Variants in GNA15 observed in about 807,000 individuals in gnomAD.
GNA15 encodes guanine nucleotide-binding protein subunit alpha-15.
Under a neutral mutation model 40.1 loss-of-function variants are expected in GNA15, and 23 were observed. The ratio of observed to expected loss-of-function variants is 0.57; its 90% CI spans 0.41 to 0.81. The LOEUF (loss-of-function observed/expected upper bound fraction) is 0.81, where lower values mean the gene tolerates loss of function less well. Ranked by LOEUF, GNA15 falls within the 40% of genes least tolerant of loss-of-function variation. The pLI is 0.00. For synonymous variants in GNA15, 226 were observed against 210.4 expected, an observed-to-expected ratio of 1.07 and a Z score of -0.64; for missense variants, 522 against 515.8, an observed-to-expected ratio of 1.01 and a Z score of -0.12.
rs1555707385 is a variant in GNA15 at position 3,157,881 on chromosome 19, G to A, written c.898G>A (p.Gly300Ser). ...HLATYFPSFQ[G>S]PKQDAEAAKR... ...GGCTACCTATTTCCCCAGTTTCCAG[G>A]GTAAGTAATTCTAGAACTTTCTATA... The change falls in exon 6 of 7, where the codon GGC (glycine) becomes AGC (serine). Residue 300 changes from glycine (G) to serine (S), a missense_variant and splice_region_variant. Coordinates refer to ENST00000262958, the MANE Select transcript of GNA15 (RefSeq NM_002068.4). 1.2e-6 allele frequency: 2 copies of A among 1,611,084 alleles called. No individual in the cohort carries two copies. The highest frequency in any genetic ancestry group is 2.2e-5 in the South Asian group (2 of 91,036).
intron 5 of GNA15, among the ~76,000 whole-genome samples, chr19:3,157,028 G>A (rs573287588): frequency 6.6e-6 from 1 of 150,950 alleles, no homozygotes; most frequent in East Asian, 2.0e-4. Context: ...ATGGAGTCTC[G>A]CTTTTGTCGC....
rs745779749 is a variant in GNA15 at position 3,155,853 on chromosome 19, G to A, written c.645G>A (p.Glu215=). The A allele has an allele frequency of 6.2e-7, 1 of 1,613,954 alleles. No individual in the cohort carries two copies. Among genetic ancestry groups the A allele is most frequent in the Middle Eastern group, 1.6e-4 (1 of 6,062 alleles). ...RIVDVGGQKS[E]RKKWIHCFEN... is the part of the protein sequence containing the mutation. ...TGGACGTCGGGGGCCAGAAGTCAGA[G>A]CGTAAGAAATGGATCCATTGTTTCG... is the stretch of plus-strand genomic sequence containing the variant. Residue 215 remains glutamate, a synonymous_variant, in exon 5 of 7, where the codon GAG becomes GAA. Transcript: ENST00000262958. This position sits in a 1 kb window ranked among gnomAD's most constrained non-coding sequence, Gnocchi z 5.6.
chr19:3,162,686 G>GC, intron 6 of GNA15, 107 bp from the exon 7 acceptor site: 2 of 682,318 alleles, frequency 2.9e-6, no homozygotes, highest in Non-Finnish European at 5.2e-6. Flanking sequence ...AATGACAGGC[G>GC]CGATCCCTGG....
At chr19:3,148,296 C>T (rs560842759) in intron 1 of GNA15, among the ~76,000 whole-genome samples, 17 of 152,220 alleles carry the variant, frequency 1.1e-4, no homozygotes, top group African/African-American at 4.1e-4. Flanking sequence ...CCATGTTTAC[C>T]AGGTTGGTCT....
rs1389279297 is a variant in GNA15, at chr19:3,155,957, G to A, written c.744+5G>A. 1.2e-6 allele frequency: 2 copies of A among 1,612,996 alleles called. No homozygotes were observed. Among genetic ancestry groups the A allele is most frequent in the Admixed American group, 1.7e-5 (1 of 59,948 alleles). ...CTGGAGGAGAACAACCAGGAGGTGC[G>A]CCACCGCCTCCCTCGCCCTGCCCAC... On this transcript the variant is annotated splice_donor_5th_base_variant and intron_variant, in intron 5 of 6. Coordinates refer to ENST00000262958, the MANE Select transcript of GNA15 (RefSeq NM_002068.4). The surrounding 1 kb of genome is among the most constrained non-coding windows in gnomAD (Gnocchi z 5.6).
At chr19:3,144,282 T>C (rs1030805701) in intron 1 of GNA15, among the ~76,000 whole-genome samples, 14 of 152,018 alleles carry the variant, frequency 9.2e-5, no homozygotes, top group African/African-American at 3.4e-4. Context: ...CTCCAAAAAC[T>C]TGATGGTCCC....
rs1363514077 is a variant in GNA15, at chr19:3,150,118, C to T, written c.331-13C>T. 1.9e-6 allele frequency: 3 copies of T among 1,609,792 alleles called. No individual in the cohort carries two copies. Among genetic ancestry groups the T allele is most frequent in the Non-Finnish European group, 1.7e-6 (2 of 1,178,436 alleles). ...GAAAGGCTACCCTAACTGCCCCCGT[C>T]CTCCCTCCCCAGCACCACGCTAGCC... On this transcript the variant is annotated splice_polypyrimidine_tract_variant and intron_variant, in intron 2 of 6. Coordinates refer to ENST00000262958, the MANE Select transcript of GNA15 (RefSeq NM_002068.4).
rs369811746 is a variant in GNA15, at chr19:3,150,233, C to G, written c.433C>G (p.Arg145Gly). The G allele has an allele frequency of 3.7e-6, 6 of 1,610,234 alleles. No individual in the cohort carries two copies. The African/African-American group carries it at 8.0e-5, about 22-fold the overall frequency. ...MQWLWRDAGIRACYERRREFH... is the reference protein window; with the variant it reads ...MQWLWRDAGIGACYERRREFH... The stretch of plus-strand genomic sequence containing the variant: ...GTGGCTGTGGAGGGATGCCGGCATC[C>G]GGGCCTGCTATGAGCGTCGGCGGGA... The change falls in exon 3 of 7, where the codon CGG (arginine) becomes GGG (glycine). Residue 145 changes from arginine (R) to glycine (G), a missense_variant. By Grantham distance (125) the Arg-to-Gly change is moderately radical. Transcript: ENST00000262958.
Position 3,163,219 on chromosome 19 carries a change from C to T in GNA15, c.*200C>T. ...GCCCCCCAGGGTACTCCTGCCCTTG[C>T]TTGACTCAGTTTCCCTCCTTTGAAA... On this transcript the variant is annotated 3_prime_UTR_variant, in exon 7 of 7. Transcript: ENST00000262958. 1 of 586,502 alleles carries T rather than the reference C, an allele frequency of 1.7e-6. No homozygotes were observed. 36.3% of individuals were successfully genotyped at this position (586,502 alleles called of 1,614,324 possible).
intron 1 of GNA15, among the ~76,000 whole-genome samples, chr19:3,145,889 C>T (rs12461827): frequency 0.078 from 11,902 of 151,654 alleles, 973 homozygotes; most frequent in East Asian, 0.2. Flanking sequence ...ATAGACATGA[C>T]CCCTGGAGAA....
chr19:3,145,359 A>ATTT lies in GNA15; in HGVS notation c.146-3221_146-3219dup, dbSNP rs71179976. 1.5e-3 allele frequency among the ~76,000 whole-genome samples: 72 copies of ATTT among 46,952 alleles called. 4 individuals are homozygous for ATTT. The highest frequency in any genetic ancestry group is 2.7e-3 in the Admixed American group (10 of 3,748). 30.8% of individuals were successfully genotyped at this position (46,952 alleles called of 152,430 possible). On this transcript the variant is annotated intron_variant, in intron 1 of 6. Coordinates refer to ENST00000262958, the MANE Select transcript of GNA15 (RefSeq NM_002068.4). The stretch of plus-strand genomic sequence containing the variant: ...TAAATATATATATATATATATATAT[A>ATTT]TTTTTTTTTTTTTGTAGAGATGGGG...
chr19:3,150,332 G>A, intron 3 of GNA15, 47 bp downstream of exon 3: 1 of 1,473,684 alleles, frequency 6.8e-7, no homozygotes, highest in South Asian at 1.3e-5. Context: ...AGGGGCTGAG[G>A]GCAGGGGCCA....
In GNA15 at chr19:3,136,625, G is replaced by A. The variant is rs1914465153; in HGVS notation, c.145+30G>A. ...GTCCAGGGTCGGTGGGCGGTGGGTGGTGGGCAGTGGGCGGTGGCCAGCCGG... is the reference window on the plus strand; with the variant it reads ...GTCCAGGGTCGGTGGGCGGTGGGTGATGGGCAGTGGGCGGTGGCCAGCCGG... On this transcript the variant is annotated intron_variant, in intron 1 of 6. Coordinates refer to ENST00000262958, the MANE Select transcript of GNA15 (RefSeq NM_002068.4). The surrounding 1 kb of genome is among the most constrained non-coding windows in gnomAD (Gnocchi z 4.9). 6.5e-7 allele frequency: 1 copy of A among 1,537,332 alleles called. No individual in the cohort carries two copies.
chr19:3,146,955 C>T (rs548374887), intron 1 of GNA15, among the ~76,000 whole-genome samples: 1 of 152,144 alleles, frequency 6.6e-6, no homozygotes, highest in African/African-American at 2.4e-5. Flanking sequence ...GGCCTCCTCA[C>T]TGTTCCTCCA....
At chr19:3,137,572 G>T (rs1055869567) in intron 1 of GNA15, among the ~76,000 whole-genome samples, 6 of 151,760 alleles carry the variant, frequency 4.0e-5, no homozygotes, top group African/African-American at 1.5e-4. Flanking sequence ...TCACAAGGTC[G>T]GGAGATCGAG....
At chr19:3,146,957 G>A (rs560129933) in intron 1 of GNA15, among the ~76,000 whole-genome samples, 2 of 149,234 alleles carry the variant, frequency 1.3e-5, no homozygotes, top group South Asian at 4.2e-4. Context: ...CCTCCTCACT[G>A]TTCCTCCAAT....
chr19:3,139,799 G>A (rs149616221), intron 1 of GNA15, among the ~76,000 whole-genome samples: 3,492 of 152,036 alleles, frequency 0.023, 243 homozygotes, highest in Admixed American at 0.14. Flanking sequence ...ACTTTGGGGG[G>A]CCGAGGAGGG....
intron 1 of GNA15, among the ~76,000 whole-genome samples, chr19:3,145,359 A>ATATATATATTTT: frequency 6.6e-4 from 31 of 46,964 alleles, no homozygotes; most frequent in African/African-American, 1.2e-3. Flanking sequence ...ATATATATAT[A>ATATATATATTTT]TTTTTTTTTT....
chr19:3,137,675 G>A (rs764886661), intron 1 of GNA15, among the ~76,000 whole-genome samples: 7 of 152,150 alleles, frequency 4.6e-5, no homozygotes, highest in Non-Finnish European at 7.3e-5. Flanking sequence ...CCTGCTACTC[G>A]GGAGGCTGAG....
Sources: allele counts gnomAD v4.1 joint callset (sites outside exome capture counted in the v4.1 genomes callset), GRCh38; gene constraint gnomAD v4.1.1; non-coding constraint Gnocchi (gnomAD v3.1); transcripts MANE v1.5; gene names NCBI Gene and HGNC (gene_info 2026-07-23, HGNC 2026-07-21).